The following SUGCT variants were observed in gnomAD, a reference collection of about 807,000 sequenced individuals.
SUGCT encodes succinyl-CoA:glutarate-CoA transferase.
In SUGCT, 41 loss-of-function variants were observed where a neutral mutation model predicts 55.0. That is an observed-to-expected ratio of 0.74 (90% CI 0.58 to 0.97). The LOEUF (loss-of-function observed/expected upper bound fraction) is 0.97, where lower values mean the gene tolerates loss of function less well. SUGCT is among the 50% of genes least tolerant of loss of function. The probability of loss-of-function intolerance (pLI) is 0.00; values close to 1 mark genes in which losing one functional copy is unlikely to be tolerated. For synonymous variants in SUGCT, 187 were observed against 200.4 expected, an observed-to-expected ratio of 0.93 and a Z score of 0.56; for missense variants, 568 against 547.8, an observed-to-expected ratio of 1.04 and a Z score of -0.37.
the SUGCT span, among the ~76,000 whole-genome samples, chr7:40,907,828 A>G: frequency 6.6e-6 from 1 of 152,214 alleles, no homozygotes; most frequent in Non-Finnish European, 1.5e-5. Flanking sequence ...GATAAGTTTG[A>G]CATCATCCTC....
chr7:40,802,158 C>A (rs1790853982), intron 13 of SUGCT, among the ~76,000 whole-genome samples: 1 of 151,962 alleles, frequency 6.6e-6, no homozygotes, highest in Non-Finnish European at 1.5e-5. Flanking sequence ...TCACTGGGAA[C>A]ATTATGGAAG....
the SUGCT span, among the ~76,000 whole-genome samples, chr7:40,930,697 C>T: frequency 3.8e-4 from 58 of 152,056 alleles, no homozygotes; most frequent in African/African-American, 1.2e-3. Flanking sequence ...TGAATGGGAG[C>T]TCACTCATGA....
chr7:40,956,735 G>C, the SUGCT span, among the ~76,000 whole-genome samples: 1 of 152,074 alleles, frequency 6.6e-6, no homozygotes, highest in Non-Finnish European at 1.5e-5. Context: ...GATCTTTCCT[G>C]GTTTCTCCTA....
At chr7:40,517,488 A>C (rs1208524950) in intron 12 of SUGCT, among the ~76,000 whole-genome samples, 1 of 152,072 alleles carries the variant, frequency 6.6e-6, no homozygotes, top group Non-Finnish European at 1.5e-5. Flanking sequence ...TGTTCTTTTC[A>C]TGGGTACCTT....
chr7:40,847,737 C>G (rs1423352045), intron 13 of SUGCT, among the ~76,000 whole-genome samples: 1 of 152,058 alleles, frequency 6.6e-6, no homozygotes, highest in Non-Finnish European at 1.5e-5. Flanking sequence ...ATTCACAATT[C>G]ATTGGGCTCA....
intron 6 of SUGCT, among the ~76,000 whole-genome samples, chr7:40,209,426 G>A (rs61347989): frequency 0.038 from 5,725 of 152,212 alleles, 343 homozygotes; most frequent in African/African-American, 0.13. Flanking sequence ...TGAACCGGGA[G>A]GTGGAGGTTG....
At position 40,435,485 on chromosome 7, in the gene SUGCT, G is replaced by C. The variant is rs187880324; in HGVS notation, c.817-13802G>C. On this transcript the variant is annotated intron_variant, in intron 9 of 13. Coordinates refer to ENST00000335693, the MANE Select transcript of SUGCT (RefSeq NM_001193313.2). ...TCATATTTCCTGAATTACCTGGGTTGCTGTGACACATTGACATTGATTTAA... is the reference window on the plus strand; with the variant it reads ...TCATATTTCCTGAATTACCTGGGTTCCTGTGACACATTGACATTGATTTAA... Among the ~76,000 whole-genome samples the C allele has an allele frequency of 1.4e-3, 208 of 152,270 alleles. 3 individuals are homozygous for C. The highest frequency in any genetic ancestry group is 2.5e-3 in the Non-Finnish European group (173 of 68,034).
downstream of SUGCT, among the ~76,000 whole-genome samples, chr7:40,865,713 G>C (rs1161199161): frequency 6.6e-6 from 1 of 152,124 alleles, no homozygotes; most frequent in African/African-American, 2.4e-5. Flanking sequence ...CTGCTCCAGC[G>C]TCAGGCTGGG....
At chr7:40,667,229 CTG>C (rs1401970473) in intron 12 of SUGCT, among the ~76,000 whole-genome samples, 1 of 149,318 alleles carries the variant, frequency 6.7e-6, no homozygotes, top group Non-Finnish European at 1.5e-5. Context: ...GTTTTTAACT[CTG>C]TTAATTTAAT....
At chr7:40,148,501 G>A (rs1458347721) in intron 1 of SUGCT, among the ~76,000 whole-genome samples, 4 of 151,988 alleles carry the variant, frequency 2.6e-5, no homozygotes, top group African/African-American at 7.3e-5. Context: ...AAAAATAGCC[G>A]GGTTTGCTGG....
chr7:40,902,010 C>T, the SUGCT span, among the ~76,000 whole-genome samples: 2 of 152,124 alleles, frequency 1.3e-5, no homozygotes, highest in Admixed American at 1.3e-4. Flanking sequence ...CGTTTTCATG[C>T]CCCACTGGAA....
In SUGCT at chr7:40,860,723, G is replaced by C; in HGVS notation, c.*244G>C. 2.8e-6 allele frequency: 1 copy of C among 354,476 alleles called. No individual in the cohort carries two copies. Among genetic ancestry groups the C allele is most frequent in the Non-Finnish European group, 5.0e-6 (1 of 200,804 alleles). 22.0% of individuals were successfully genotyped at this position (354,476 alleles called of 1,614,324 possible). On this transcript the variant is annotated 3_prime_UTR_variant, in exon 14 of 14. Coordinates refer to ENST00000335693, the MANE Select transcript of SUGCT (RefSeq NM_001193313.2). The stretch of plus-strand genomic sequence containing the variant: ...ATGATGATTTCATTATGGATTTGTG[G>C]GATTTTTAAAAATAAAGTTTTAATT...
chr7:40,180,157 C>A (rs920206087), intron 1 of SUGCT, among the ~76,000 whole-genome samples: 8 of 151,254 alleles, frequency 5.3e-5, no homozygotes, highest in African/African-American at 2.0e-4. Flanking sequence ...CGGTGTCTTG[C>A]TGTGTCGCTC....
chr7:40,939,488 G>T, the SUGCT span, among the ~76,000 whole-genome samples: 2 of 152,072 alleles, frequency 1.3e-5, no homozygotes, highest in Non-Finnish European at 2.9e-5. Flanking sequence ...TCCATAAAGG[G>T]TGCACTGATT....
At chr7:40,381,698 ATATCATTTCC>A (rs1411916079) in intron 9 of SUGCT, among the ~76,000 whole-genome samples, 2 of 152,108 alleles carry the variant, frequency 1.3e-5, no homozygotes, top group African/African-American at 4.8e-5. Flanking sequence ...AGTTCATATC[ATATCATTTCC>A]TAACTCCTCC....
chr7:40,728,672 G>C (rs572590997), intron 12 of SUGCT, among the ~76,000 whole-genome samples: 6 of 152,132 alleles, frequency 3.9e-5, no homozygotes, highest in African/African-American at 1.2e-4. Context: ...ATACCTATCT[G>C]TGGGAAATGA....
intron 6 of SUGCT, among the ~76,000 whole-genome samples, chr7:40,234,869 A>G (rs908165691): frequency 6.6e-6 from 1 of 152,042 alleles, no homozygotes; most frequent in Non-Finnish European, 1.5e-5. Context: ...CGACGGTGCC[A>G]CTGCGCTCCG....
At chr7:40,264,497 C>T (rs1484919866) in intron 7 of SUGCT, among the ~76,000 whole-genome samples, 1 of 152,064 alleles carries the variant, frequency 6.6e-6, no homozygotes, top group Non-Finnish European at 1.5e-5. Context: ...AGAGTCTGTG[C>T]CCATGAAGTG....
At chr7:40,336,795 T>G (rs1044372604) in intron 9 of SUGCT, among the ~76,000 whole-genome samples, 2 of 152,226 alleles carry the variant, frequency 1.3e-5, no homozygotes, top group Non-Finnish European at 2.9e-5. Flanking sequence ...TGCTAGCTTT[T>G]GAATGTGTTT....
Sources: allele counts gnomAD v4.1 joint callset (sites outside exome capture counted in the v4.1 genomes callset), GRCh38; gene constraint gnomAD v4.1.1; transcripts MANE v1.5; gene names NCBI Gene and HGNC (gene_info 2026-07-23, HGNC 2026-07-21).